GALNT2: variants seen among roughly 807,000 people sequenced by gnomAD.
The protein encoded by GALNT2 is UDP-GalNAc:polypeptide N-acetylgalactosaminyltransferase 2.
A neutral mutation model predicts 81.4 loss-of-function variants in GALNT2; 31 were observed. That is an observed-to-expected ratio of 0.38 (90% CI 0.29 to 0.51). The LOEUF (loss-of-function observed/expected upper bound fraction) is 0.51. GALNT2 is among the 20% of genes least tolerant of loss of function. GALNT2 has a pLI of 0.87. For synonymous variants in GALNT2, 303 were observed against 287.4 expected, an observed-to-expected ratio of 1.05 and a Z score of -0.55; for missense variants, 629 against 765.7, an observed-to-expected ratio of 0.82 and a Z score of 2.11.
At chr1:230,080,844 G>T (rs995967969) in intron 1 of GALNT2, among the ~76,000 whole-genome samples, 6 of 152,358 alleles carry the variant, frequency 3.9e-5, no homozygotes, top group African/African-American at 1.4e-4. Flanking sequence ...AAAATGCTCA[G>T]AATGGTGCCT....
chr1:230,068,972 T>C (rs535714607), intron 1 of GALNT2, among the ~76,000 whole-genome samples: 18 of 152,354 alleles, frequency 1.2e-4, no homozygotes, highest in African/African-American at 3.8e-4. Flanking sequence ...AAAACTTTGC[T>C]TCCCGGTAAA....
intron 7 of GALNT2, among the ~76,000 whole-genome samples, chr1:230,245,267 T>C (rs996196749): frequency 6.6e-6 from 1 of 151,976 alleles, no homozygotes; most frequent in African/African-American, 2.4e-5. Context: ...AGTTCAAGAA[T>C]AGCCTGACCA....
At chr1:230,071,015 T>A (rs1304423085) in intron 1 of GALNT2, among the ~76,000 whole-genome samples, 1 of 152,150 alleles carries the variant, frequency 6.6e-6, no homozygotes, top group Non-Finnish European at 1.5e-5. Flanking sequence ...GTGGGAGTAA[T>A]CATTCTTACC....
chr1:230,083,020 G>A (rs767760248), intron 1 of GALNT2, among the ~76,000 whole-genome samples: 2 of 151,558 alleles, frequency 1.3e-5, no homozygotes, highest in African/African-American at 2.4e-5. Flanking sequence ...GATAGAGCAC[G>A]GCAGTTGGGA....
intron 1 of GALNT2, among the ~76,000 whole-genome samples, chr1:230,093,194 C>T (rs1043896360): frequency 6.6e-6 from 1 of 152,192 alleles, no homozygotes; most frequent in African/African-American, 2.4e-5. Context: ...TTGCATAGTT[C>T]TCATTTGATA....
At chr1:230,186,610 A>G (rs1292766802) in intron 2 of GALNT2, among the ~76,000 whole-genome samples, 1 of 152,194 alleles carries the variant, frequency 6.6e-6, no homozygotes, top group Non-Finnish European at 1.5e-5. Context: ...TTTCAGGCAA[A>G]TAGAGAGAGG....
intron 1 of GALNT2, among the ~76,000 whole-genome samples, chr1:230,160,001 C>T (rs921959154): frequency 1.3e-5 from 2 of 152,088 alleles, no homozygotes; most frequent in Admixed American, 6.5e-5. Flanking sequence ...ATCCAGCAGC[C>T]GCACCACCCA....
intron 3 of GALNT2, among the ~76,000 whole-genome samples, chr1:230,211,202 G>T (rs1051172824): frequency 1.3e-5 from 2 of 152,130 alleles, no homozygotes; most frequent in African/African-American, 4.8e-5. Flanking sequence ...CCATGGTAGA[G>T]CTGGCCCGAG....
intron 10 of GALNT2, 76 bp from the exon 11 acceptor site, chr1:230,255,142 C>A (rs1665668176): frequency 6.2e-7 from 1 of 1,606,874 alleles, no homozygotes; most frequent in South Asian, 1.1e-5. Flanking sequence ...GGCCTCTGTA[C>A]CTGCTTGGTG....
chr1:230,233,309 A>G (rs987448292), intron 3 of GALNT2, among the ~76,000 whole-genome samples: 4 of 152,364 alleles, frequency 2.6e-5, no homozygotes, highest in African/African-American at 9.6e-5. Context: ...AACAATATTA[A>G]GAGCTACAGT....
chr1:230,196,696 C>T (rs1277322777), intron 2 of GALNT2, among the ~76,000 whole-genome samples: 4 of 152,174 alleles, frequency 2.6e-5, no homozygotes, highest in Non-Finnish European at 5.9e-5. Context: ...TGTCAGCAGG[C>T]AGGCCCCGCT....
intron 15 of GALNT2, among the ~76,000 whole-genome samples, chr1:230,276,020 A>T (rs1409604215): frequency 2.9e-5 from 2 of 68,214 alleles, no homozygotes; most frequent in Non-Finnish European, 5.7e-5. Context: ...GTATATATAC[A>T]TGCCACATAT....
intron 9 of GALNT2, 61 bp downstream of exon 9, chr1:230,249,332 T>C: frequency 1.3e-6 from 2 of 1,487,048 alleles, no homozygotes; most frequent in Non-Finnish European, 1.9e-6. Context: ...CCAGCTTCTT[T>C]GCTGGGCCCG....
At chr1:230,114,629 C>T (rs966461635) in intron 1 of GALNT2, among the ~76,000 whole-genome samples, 15 of 152,294 alleles carry the variant, frequency 9.8e-5, no homozygotes, top group South Asian at 4.1e-4. Flanking sequence ...GGATGCCACC[C>T]GGCGAACTGG....
At chr1:230,151,116 T>C (rs1168136279) in intron 1 of GALNT2, among the ~76,000 whole-genome samples, 1 of 152,106 alleles carries the variant, frequency 6.6e-6, no homozygotes, top group African/African-American at 2.4e-5. Context: ...TCTTGTGTGG[T>C]GTCCTGGGTT....
At chr1:230,231,298 G>T (rs527590289) in intron 3 of GALNT2, among the ~76,000 whole-genome samples, 1 of 152,148 alleles carries the variant, frequency 6.6e-6, no homozygotes, top group South Asian at 2.1e-4. Flanking sequence ...AGGCAAGATC[G>T]TCAGGGCCAT....
At chr1:230,237,925 A>G (rs1276344158) in intron 6 of GALNT2, among the ~76,000 whole-genome samples, 1 of 152,166 alleles carries the variant, frequency 6.6e-6, no homozygotes, top group Non-Finnish European at 1.5e-5. Context: ...CTTATCTAAC[A>G]GTGTCTTTGT....
chr1:230,164,784 C>T (rs2102850887), intron 1 of GALNT2, among the ~76,000 whole-genome samples: 1 of 152,236 alleles, frequency 6.6e-6, no homozygotes, highest in South Asian at 2.1e-4. Context: ...CCTGCCTAGG[C>T]CTACCAAAGT....
rs544769789 is a variant in GALNT2, at chr1:230,088,355, C to G, written c.126+20949C>G. ...GGAATCTTGTAATATTTGTCCTTTT[C>G]TGATTGGCTTGTTTTCACTAGCATG... On this transcript the variant is annotated intron_variant, in intron 1 of 15. Coordinates refer to ENST00000366672, the MANE Select transcript of GALNT2 (RefSeq NM_004481.5). 6.6e-5 allele frequency among the ~76,000 whole-genome samples: 10 copies of G among 152,156 alleles called. No homozygotes were observed. The South Asian group carries it at 1.7e-3, about 25-fold the overall frequency.
Sources: allele counts gnomAD v4.1 joint callset (sites outside exome capture counted in the v4.1 genomes callset), GRCh38; gene constraint gnomAD v4.1.1; transcripts MANE v1.5; gene names NCBI Gene and HGNC (gene_info 2026-07-23, HGNC 2026-07-21).